RBFOX1: variants seen among roughly 807,000 people sequenced by gnomAD.
The protein encoded by RBFOX1 is RNA binding protein fox-1 homolog 1.
A neutral mutation model predicts 57.7 loss-of-function variants in RBFOX1; 8 were observed. That is an observed-to-expected ratio of 0.14 (90% confidence interval 0.08 to 0.25). The LOEUF is 0.25. Among genes scored for constraint, RBFOX1 ranks in the 10% least tolerant of loss-of-function variants. The probability of loss-of-function intolerance (pLI) is 1.00; values close to 1 mark genes in which losing one functional copy is unlikely to be tolerated. For synonymous variants in RBFOX1, 326 were observed against 222.4 expected, an observed-to-expected ratio of 1.47 and a Z score of -4.15; for missense variants, 611 against 548.5, an observed-to-expected ratio of 1.11 and a Z score of -1.14.
chr16:5,818,884 G>T (rs1007577087), intron 3 of RBFOX1, among the ~76,000 whole-genome samples: 1 of 152,116 alleles, frequency 6.6e-6, no homozygotes. Flanking sequence ...TGTGTAAATG[G>T]TTCCTCCACC....
intron 1 of RBFOX1, among the ~76,000 whole-genome samples, chr16:5,403,214 G>C (rs941167737): frequency 6.6e-6 from 1 of 151,984 alleles, no homozygotes; most frequent in Non-Finnish European, 1.5e-5. Context: ...GCTGGGTGTG[G>C]TGGTGCATGC....
rs539084942 is a variant in RBFOX1 at position 5,393,413 on chromosome 16, T to G, written c.220-73803T>G. ...AGAAGGTTGATCTCCCTTCTGCTTT[T>G]ATTCCTACCCCTTCAGTGGTTAAGC... is the stretch of plus-strand genomic sequence containing the variant. On this transcript the variant is annotated intron_variant, in intron 1 of 2. Coordinates refer to the RBFOX1 transcript ENST00000585867. Among the ~76,000 whole-genome samples, 14 of 152,340 alleles carry G rather than the reference T, an allele frequency of 9.2e-5. 2 individuals are homozygous for G. The South Asian group carries it at 2.9e-3, about 32-fold the overall frequency.
intron 3 of RBFOX1, among the ~76,000 whole-genome samples, chr16:5,640,620 G>A (rs2151327794): frequency 6.7e-6 from 1 of 149,834 alleles, no homozygotes; most frequent in East Asian, 2.0e-4. Flanking sequence ...GCATACATAT[G>A]CACACCATGC....
intron 3 of RBFOX1, among the ~76,000 whole-genome samples, chr16:6,889,570 G>A (rs564441851): frequency 1.3e-5 from 2 of 152,108 alleles, no homozygotes; most frequent in African/African-American, 2.4e-5. Flanking sequence ...GTTAGTATTT[G>A]CAACATATAC....
chr16:6,809,481 C>T (rs1246174106), intron 3 of RBFOX1, among the ~76,000 whole-genome samples: 1 of 152,132 alleles, frequency 6.6e-6, no homozygotes, highest in African/African-American at 2.4e-5. Flanking sequence ...ATATTATCTT[C>T]CTCATCTACA....
intron 4 of RBFOX1, among the ~76,000 whole-genome samples, chr16:7,148,683 C>T (rs1031632899): frequency 6.6e-6 from 1 of 152,196 alleles, no homozygotes; most frequent in African/African-American, 2.4e-5. Context: ...TGCCGCTCTA[C>T]TCTCTACAGT....
rs1172620285 is a variant in RBFOX1, at chr16:7,567,255, A to ATATATCCCTATATATATCCC, written c.271-12517_271-12516insCCCTATATATATCCCTATAT. ...TATATATATATCCATATATCCCTAT[A>ATATATCCCTATATATATCCC]TATATATATCCCTATATATATATCC... On this transcript the variant is annotated intron_variant, in intron 5 of 15. Transcript: ENST00000550418. Among the ~76,000 whole-genome samples the ATATATCCCTATATATATCCC allele has an allele frequency of 1.1e-3, 94 of 84,244 alleles. 1 individual carries two copies. Among genetic ancestry groups the ATATATCCCTATATATATCCC allele is most frequent in the African/African-American group, 4.0e-3 (86 of 21,532 alleles). 55.3% of individuals were successfully genotyped at this position (84,244 alleles called of 152,430 possible). A position where few individuals can be genotyped will look rare whatever the true frequency, so the allele number is the denominator to read the frequency against.
intron 4 of RBFOX1, among the ~76,000 whole-genome samples, chr16:7,079,528 T>A (rs1467505653): frequency 6.6e-6 from 1 of 152,218 alleles, no homozygotes; most frequent in South Asian, 2.1e-4. Context: ...GTTCAGATTG[T>A]AAATTCTTGG....
chr16:5,311,554 C>A (rs938935009), intron 1 of RBFOX1, among the ~76,000 whole-genome samples: 2 of 152,208 alleles, frequency 1.3e-5, no homozygotes, highest in Admixed American at 6.5e-5. Flanking sequence ...ACATCCATGC[C>A]AACATCTCTT....
At chr16:6,522,645 CG>C (rs777692871) in intron 2 of RBFOX1, among the ~76,000 whole-genome samples, 6 of 152,110 alleles carry the variant, frequency 3.9e-5, no homozygotes. Context: ...CATTCAGTAC[CG>C]GGGTTAATAC....
intron 4 of RBFOX1, among the ~76,000 whole-genome samples, chr16:7,192,034 A>G (rs2085514112): frequency 6.6e-6 from 1 of 152,202 alleles, no homozygotes; most frequent in African/African-American, 2.4e-5. Context: ...TTAGAGGGAA[A>G]CAGTTTTTAA....
intron 4 of RBFOX1, among the ~76,000 whole-genome samples, chr16:5,928,302 A>T (rs549781575): frequency 1.2e-3 from 181 of 151,924 alleles, no homozygotes; most frequent in African/African-American, 4.2e-3. Flanking sequence ...GGCTGGTCTT[A>T]AAACTCCTGG....
At chr16:5,504,444 C>T (rs2043307802) in intron 2 of RBFOX1, among the ~76,000 whole-genome samples, 1 of 152,238 alleles carries the variant, frequency 6.6e-6, no homozygotes, top group African/African-American at 2.4e-5. Context: ...GCAGTAGGGC[C>T]AATGGCATTG....
At chr16:5,603,487 G>A (rs1166382716), downstream of RBFOX1, among the ~76,000 whole-genome samples, 2 of 152,158 alleles carry the variant, frequency 1.3e-5, no homozygotes, top group Admixed American at 6.5e-5. Context: ...TGGTGATGCA[G>A]GGAGCATTTC....
chr16:7,132,994 G>C (rs1169501155), intron 4 of RBFOX1, among the ~76,000 whole-genome samples: 2 of 152,110 alleles, frequency 1.3e-5, no homozygotes, highest in Non-Finnish European at 2.9e-5. Flanking sequence ...GTTATACCAG[G>C]AAATAAACCA....
At chr16:5,614,866 G>A (rs552294449) in intron 3 of RBFOX1, among the ~76,000 whole-genome samples, 9 of 152,178 alleles carry the variant, frequency 5.9e-5, no homozygotes, top group Admixed American at 1.3e-4. Flanking sequence ...GTGCACACCC[G>A]TTGACTTACA....
chr16:6,019,948 T>C lies in RBFOX1; in HGVS notation c.-171T>C. 2 of 1,533,730 alleles carry C rather than the reference T, an allele frequency of 1.3e-6. No individual in the cohort carries two copies. The highest frequency in any genetic ancestry group is 1.7e-6 in the Non-Finnish European group (2 of 1,145,692). On this transcript the variant is annotated 5_prime_UTR_variant, in exon 1 of 16. Coordinates refer to ENST00000550418, the MANE Select transcript of RBFOX1 (RefSeq NM_018723.4). The surrounding 1 kb of genome is among the most constrained non-coding windows in gnomAD (Gnocchi z 4.2). ...GAGAGCGCACGGGAATTCGGGGGTC[T>C]GGGGCCGAGAACGTGACCGCAGCCG...
intron 5 of RBFOX1, among the ~76,000 whole-genome samples, chr16:7,545,907 C>G (rs919002621): frequency 1.5e-4 from 22 of 151,192 alleles, no homozygotes; most frequent in Admixed American, 5.9e-4. Flanking sequence ...CCTGACAGAA[C>G]TGTTTTGAGA....
intron 2 of RBFOX1, among the ~76,000 whole-genome samples, chr16:5,576,392 A>C (rs1338156307): frequency 6.6e-6 from 1 of 152,188 alleles, no homozygotes; most frequent in Non-Finnish European, 1.5e-5. Flanking sequence ...TATTGAATCC[A>C]AAATTTATAT....
Sources: gnomAD v4.1 joint callset for allele counts (sites outside exome capture counted in the v4.1 genomes callset) on GRCh38, gnomAD v4.1.1 for gene constraint, Gnocchi (gnomAD v3.1) non-coding constraint, MANE v1.5 for transcripts, NCBI Gene and HGNC (gene_info 2026-07-23, HGNC 2026-07-21) for gene names.